PCDHGA2: variants seen among roughly 807,000 people sequenced by gnomAD.
PCDHGA2 encodes the protein protocadherin gamma-A2.
In PCDHGA2, 40 loss-of-function variants were observed where a neutral mutation model predicts 59.2. That is an observed-to-expected ratio of 0.68 (90% CI 0.52 to 0.88). The LOEUF is 0.88. PCDHGA2 is among the 40% of genes least tolerant of loss of function. The probability of loss-of-function intolerance (pLI) is 0.00; values close to 1 mark genes in which losing one functional copy is unlikely to be tolerated. For synonymous variants in PCDHGA2, 560 were observed against 526.0 expected (o/e 1.06, Z -0.89); for missense variants, 1,226 against 1,204.0 (o/e 1.02, Z -0.27).
intron 1 of PCDHGA2, chr5:141,395,122 T>C (rs72790033): frequency 0.028 from 44,899 of 1,614,158 alleles, 731 homozygotes; most frequent in Non-Finnish European, 0.032. Flanking sequence ...CACCTGATCT[T>C]TCCCCAGCCC....
At position 141,489,397 on chromosome 5, in the gene PCDHGA2, G is replaced by A. The variant is rs1307106048; in HGVS notation, c.2425-5410G>A. 2.5e-6 allele frequency: 4 copies of A among 1,614,058 alleles called. No homozygotes were observed. The highest frequency in any genetic ancestry group is 2.7e-5 in the African/African-American group (2 of 74,914). ...GGTGGGGAATGTTGCTCAGGATCTG[G>A]GCTTAAAGATGACAGATCTGTTGAG... On this transcript the variant is annotated intron_variant, in intron 1 of 3. Transcript: ENST00000394576. This position sits in a 1 kb window ranked among gnomAD's most constrained non-coding sequence, Gnocchi z 4.5.
chr5:141,338,942 T>G lies in PCDHGA2; in HGVS notation c.-30T>G. 6.6e-7 allele frequency: 1 copy of G among 1,523,038 alleles called. No individual in the cohort carries two copies. The highest frequency in any genetic ancestry group is 8.8e-7 in the Non-Finnish European group (1 of 1,135,454). 94.3% of individuals were successfully genotyped at this position (1,523,038 alleles called of 1,614,324 possible). On this transcript the variant is annotated 5_prime_UTR_variant, in exon 1 of 4. Transcript: ENST00000394576. ...GGAATCCGCACTGGATGCTGGAAGTTGACTCGGAGAAAATTGCGACAGGAG... is the reference window on the plus strand; with the variant it reads ...GGAATCCGCACTGGATGCTGGAAGTGGACTCGGAGAAAATTGCGACAGGAG...
rs988237114 is a variant in PCDHGA2 at position 141,493,830 on chromosome 5, G to A, written c.2425-977G>A. On this transcript the variant is annotated intron_variant, in intron 1 of 3. Transcript: ENST00000394576. This position sits in a 1 kb window ranked among gnomAD's most constrained non-coding sequence, Gnocchi z 4.3. ...ATACTCACACTCTCTGCTTCTGGGA[G>A]CAAGTATGAGTATTAATTACCAGCC... 1.3e-5 allele frequency among the ~76,000 whole-genome samples: 2 copies of A among 152,218 alleles called. No individual in the cohort carries two copies. The highest frequency in any genetic ancestry group is 4.8e-5 in the African/African-American group (2 of 41,456).
chr5:141,388,407 A>G (rs2091351140), intron 1 of PCDHGA2: 6 of 1,613,878 alleles, frequency 3.7e-6, no homozygotes, highest in Middle Eastern at 3.3e-4. Flanking sequence ...ACTCAGTCCC[A>G]GTGATCATTT....
chr5:141,343,893 G>A (rs1039244805), intron 1 of PCDHGA2: 4 of 734,512 alleles, frequency 5.4e-6, no homozygotes, highest in Non-Finnish European at 8.6e-6. Flanking sequence ...CGGGGCGGCT[G>A]CCAACCTCAC....
rs182936964 is a variant in PCDHGA2, at chr5:141,502,069, T to C, written c.2484-3324T>C. 1.1e-3 allele frequency among the ~76,000 whole-genome samples: 175 copies of C among 152,186 alleles called. 1 individual carries two copies. Among genetic ancestry groups the C allele is most frequent in the African/African-American group, 3.9e-3 (162 of 41,524 alleles). ...CCCTACTTTATTCCCATTAGCCCCC[T>C]TCACCTGGGGCTGAGAACACCTGGC... On this transcript the variant is annotated intron_variant, in intron 2 of 3. Coordinates refer to ENST00000394576, the MANE Select transcript of PCDHGA2 (RefSeq NM_018915.4).
intron 1 of PCDHGA2, chr5:141,372,861 T>C (rs1283954034): frequency 7.0e-7 from 1 of 1,420,218 alleles, no homozygotes; most frequent in South Asian, 1.4e-5. Context: ...TTTCAATTCA[T>C]TGATTTAGAG....
chr5:141,451,001 A>G (rs909477017), intron 1 of PCDHGA2, among the ~76,000 whole-genome samples: 1 of 148,266 alleles, frequency 6.7e-6, no homozygotes, highest in African/African-American at 2.5e-5. Context: ...ATTTTTTTGT[A>G]TTTTTTTTAG....
intron 1 of PCDHGA2, among the ~76,000 whole-genome samples, chr5:141,406,686 T>G (rs918855962): frequency 1.3e-5 from 2 of 152,244 alleles, no homozygotes; most frequent in African/African-American, 4.8e-5. Flanking sequence ...TAGGACATTC[T>G]TCTTTTCTAT....
chr5:141,403,419 A>G, intron 1 of PCDHGA2: 1 of 1,614,050 alleles, frequency 6.2e-7, no homozygotes, highest in Non-Finnish European at 8.5e-7. Context: ...CCACTTCCAG[A>G]AGCTATTGAT....
intron 1 of PCDHGA2, among the ~76,000 whole-genome samples, chr5:141,406,071 C>T (rs2094755708): frequency 7.4e-6 from 1 of 134,244 alleles, no homozygotes; most frequent in East Asian, 2.1e-4. Context: ...AATTCTTACT[C>T]CTTTTTTTTT....
chr5:141,390,534 A>C (rs2092170785), intron 1 of PCDHGA2: 1 of 525,162 alleles, frequency 1.9e-6, no homozygotes, highest in Non-Finnish European at 3.3e-6. Context: ...TGTGGTTTTA[A>C]CCACAAAGTG....
Position 141,485,495 on chromosome 5 carries a change from T to C in PCDHGA2, c.2425-9312T>C. 1 of 1,613,494 alleles carries C rather than the reference T, an allele frequency of 6.2e-7. No homozygotes were observed. Among genetic ancestry groups the C allele is most frequent in the African/African-American group, 1.3e-5 (1 of 74,780 alleles). On this transcript the variant is annotated intron_variant, in intron 1 of 3. Coordinates refer to ENST00000394576, the MANE Select transcript of PCDHGA2 (RefSeq NM_018915.4). This position sits in a 1 kb window ranked among gnomAD's most constrained non-coding sequence, Gnocchi z 5.7. ...TGCCAGCTGCATCGTGCCCCTGGAG[T>C]TTGTCACCGAAGGTCCTTTGGAAAT...
At chr5:141,356,394 T>C in intron 1 of PCDHGA2, 3 of 1,579,600 alleles carry the variant, frequency 1.9e-6, no homozygotes, top group South Asian at 1.1e-5. Flanking sequence ...AAAAGACCTA[T>C]GGAAATTATT....
intron 3 of PCDHGA2, among the ~76,000 whole-genome samples, chr5:141,506,429 A>G (rs1406730781): frequency 7.0e-6 from 1 of 143,144 alleles, no homozygotes; most frequent in Non-Finnish European, 1.5e-5. Flanking sequence ...CCTGGGCAAC[A>G]GTCTCGCTCT....
At position 141,431,667 on chromosome 5, in the gene PCDHGA2, C is replaced by T. The variant is rs759257105; in HGVS notation, c.2425-63140C>T. ...GATTGTAATTCAGGGACAATATCAA[C>T]AATAGGGGAGTTGGACCACGAGGAG... On this transcript the variant is annotated intron_variant, in intron 1 of 3. Coordinates refer to ENST00000394576, the MANE Select transcript of PCDHGA2 (RefSeq NM_018915.4). This position sits in a 1 kb window ranked among gnomAD's most constrained non-coding sequence, Gnocchi z 4.8. 1 of 1,614,226 alleles carries T rather than the reference C, an allele frequency of 6.2e-7. No individual in the cohort carries two copies. The highest frequency in any genetic ancestry group is 1.3e-5 in the African/African-American group (1 of 75,072).
chr5:141,364,265 C>T (rs1763247589), intron 1 of PCDHGA2: 3 of 1,511,160 alleles, frequency 2.0e-6, no homozygotes, highest in East Asian at 2.3e-5. Context: ...TACCCATCGG[C>T]TTTAGATAAA....
intron 1 of PCDHGA2, chr5:141,356,530 G>T (rs1469460338): frequency 6.2e-7 from 1 of 1,613,694 alleles, no homozygotes; most frequent in East Asian, 2.2e-5. Flanking sequence ...GCAAGTGATG[G>T]ACATCAATGA....
intron 1 of PCDHGA2, chr5:141,392,651 C>G (rs1228467133): frequency 1.4e-6 from 1 of 708,830 alleles, no homozygotes; most frequent in Non-Finnish European, 2.2e-6. Flanking sequence ...CGAAGACCCG[C>G]AGATGCCACA....
Sources: allele counts gnomAD v4.1 joint callset (sites outside exome capture counted in the v4.1 genomes callset), GRCh38; gene constraint gnomAD v4.1.1; non-coding constraint Gnocchi (gnomAD v3.1); transcripts MANE v1.5; gene names NCBI Gene and HGNC (gene_info 2026-07-23, HGNC 2026-07-21).